PCED1B: variants seen among roughly 807,000 people sequenced by gnomAD.
PCED1B encodes the protein PC-esterase domain containing 1B, also known as PC-esterase domain-containing protein 1B.
For synonymous variants in PCED1B, 251 were observed against 246.1 expected (o/e 1.02, Z -0.19); for missense variants, 573 against 573.9 (o/e 1.00, Z 0.02).
chr12:47,226,966 C>A (rs1001468134), intron 3 of PCED1B, among the ~76,000 whole-genome samples: 24 of 152,018 alleles, frequency 1.6e-4, no homozygotes, highest in African/African-American at 5.6e-4. Flanking sequence ...TTTCTATTCA[C>A]TCCCCTAAAA....
intron 2 of PCED1B, among the ~76,000 whole-genome samples, chr12:47,201,562 G>A (rs1942764665): frequency 6.6e-6 from 1 of 151,776 alleles, no homozygotes; most frequent in African/African-American, 2.4e-5. Context: ...CTGCCCAGCA[G>A]TATTTTATTG....
At position 47,143,400 on chromosome 12, in the gene PCED1B, G is replaced by C. The variant is rs1365916969; in HGVS notation, c.-526+39205G>C. Among the ~76,000 whole-genome samples, 6 of 152,050 alleles carry C rather than the reference G, an allele frequency of 3.9e-5. No homozygotes were observed. In the Middle Eastern group the frequency reaches 0.01, roughly 259 times the overall value. ...AAACAAAATTAACATACAAAACTCA[G>C]CTGTGTTACTATACATGAATGACAA... On this transcript the variant is annotated intron_variant, in intron 2 of 3. Transcript: ENST00000546455.
At chr12:47,152,445 ACT>A (rs1941029423) in intron 2 of PCED1B, among the ~76,000 whole-genome samples, 1 of 152,034 alleles carries the variant, frequency 6.6e-6, no homozygotes, top group Non-Finnish European at 1.5e-5. Context: ...AAATTGAAAG[ACT>A]CTTCATAATA....
chr12:47,231,383 C>T (rs1311910498), intron 3 of PCED1B, among the ~76,000 whole-genome samples: 2 of 124,048 alleles, frequency 1.6e-5, no homozygotes, highest in African/African-American at 6.3e-5. Context: ...CCAGGGGAGT[C>T]GCTAGGAGAT....
intron 2 of PCED1B, among the ~76,000 whole-genome samples, chr12:47,123,406 TCAAA>T (rs1213998868): frequency 1.3e-5 from 2 of 152,130 alleles, no homozygotes; most frequent in Non-Finnish European, 2.9e-5. Context: ...CATGCAGAGT[TCAAA>T]CAAAGGTGCT....
chr12:47,187,208 C>G (rs768409242), intron 2 of PCED1B, among the ~76,000 whole-genome samples: 1 of 152,060 alleles, frequency 6.6e-6, no homozygotes, highest in Non-Finnish European at 1.5e-5. Context: ...GTGAAAGATC[C>G]AGGTGGATAG....
intron 1 of PCED1B, among the ~76,000 whole-genome samples, chr12:47,092,985 G>C (rs957539049): frequency 6.6e-6 from 1 of 151,834 alleles, no homozygotes; most frequent in African/African-American, 2.4e-5. Context: ...TAAAAATCAA[G>C]TTTATGCTAT....
intron 3 of PCED1B, among the ~76,000 whole-genome samples, chr12:47,217,768 G>A (rs1315847380): frequency 6.6e-6 from 1 of 151,990 alleles, no homozygotes; most frequent in Non-Finnish European, 1.5e-5. Context: ...CTAGAGACAG[G>A]GTTTCACCAT....
chr12:47,181,736 T>C (rs1311451116), intron 2 of PCED1B, among the ~76,000 whole-genome samples: 1 of 152,006 alleles, frequency 6.6e-6, no homozygotes, highest in East Asian at 1.9e-4. Flanking sequence ...TTCAGAACAT[T>C]TTTCTTCTCA....
At chr12:47,083,916 T>C (rs527850227) in intron 1 of PCED1B, among the ~76,000 whole-genome samples, 1 of 152,342 alleles carries the variant, frequency 6.6e-6, no homozygotes, top group African/African-American at 2.4e-5. Context: ...GACAGTTTTT[T>C]GTTTTTTAAT....
chr12:47,184,655 C>A lies in PCED1B; in HGVS notation c.-525-31567C>A, dbSNP rs114642724. ...CTTCCCTTTTTCCTTCCTTCTTTTA[C>A]CAAAGACACTAAAAAAAAAAAAAAA... On this transcript the variant is annotated intron_variant, in intron 2 of 3. Coordinates refer to ENST00000546455, the MANE Select transcript of PCED1B (RefSeq NM_138371.3). 3.3e-3 allele frequency among the ~76,000 whole-genome samples: 491 copies of A among 147,144 alleles called. 3 individuals are homozygous for A. The highest frequency in any genetic ancestry group is 6.1e-3 in the Non-Finnish European group (412 of 67,166).
At chr12:47,098,192 A>G (rs577511679) in intron 1 of PCED1B, among the ~76,000 whole-genome samples, 96 of 152,256 alleles carry the variant, frequency 6.3e-4, no homozygotes, top group Non-Finnish European at 1.1e-3. Context: ...CCCCACTCCA[A>G]TGAGACCAGG....
chr12:47,184,665 TAAA>T (rs1191011925), intron 2 of PCED1B, among the ~76,000 whole-genome samples: 1 of 131,662 alleles, frequency 7.6e-6, no homozygotes, highest in African/African-American at 2.7e-5. Context: ...CCAAAGACAC[TAAA>T]AAAAAAAAAA....
At chr12:47,188,827 C>T (rs1334809722) in intron 2 of PCED1B, among the ~76,000 whole-genome samples, 2 of 152,216 alleles carry the variant, frequency 1.3e-5, no homozygotes, top group African/African-American at 4.8e-5. Context: ...CCGTAAAAAA[C>T]AGGCATGTTG....
intron 3 of PCED1B, among the ~76,000 whole-genome samples, chr12:47,228,816 T>C (rs928436700): frequency 6.6e-6 from 1 of 150,908 alleles, no homozygotes; most frequent in Admixed American, 6.7e-5. Context: ...GAGGTTGCAG[T>C]GAGCTGAGAT....
intron 3 of PCED1B, among the ~76,000 whole-genome samples, chr12:47,220,292 C>T (rs1037104146): frequency 3.3e-5 from 5 of 152,146 alleles, no homozygotes; most frequent in African/African-American, 1.2e-4. Flanking sequence ...TTGCCTCGGC[C>T]TCCTGAATAG....
Position 47,136,097 on chromosome 12 carries a change from T to TTTTG in PCED1B, c.-526+31903_-526+31906dup, listed in dbSNP as rs529447899. Among the ~76,000 whole-genome samples the TTTTG allele has an allele frequency of 6.0e-3, 900 of 150,502 alleles. 10 individuals carry two copies. The highest frequency in any genetic ancestry group is 0.038 in the South Asian group (181 of 4,710). On this transcript the variant is annotated intron_variant, in intron 2 of 3. Transcript: ENST00000546455. ...ATTCAATTTCTTTCTTTTTTTTTTT[T>TTTTG]TTTGGCCAATTTGATAGATATATCA...
chr12:47,141,198 T>C (rs1940578562), intron 2 of PCED1B, among the ~76,000 whole-genome samples: 1 of 152,126 alleles, frequency 6.6e-6, no homozygotes, highest in African/African-American at 2.4e-5. Flanking sequence ...GAAAAAGTGA[T>C]GGAATAGGAG....
chr12:47,092,650 G>T (rs926579791), intron 1 of PCED1B, among the ~76,000 whole-genome samples: 8 of 151,920 alleles, frequency 5.3e-5, no homozygotes, highest in South Asian at 2.1e-4. Context: ...TGTTTGCTAC[G>T]GATATTTTGT....
Sources: allele counts gnomAD v4.1 joint callset (sites outside exome capture counted in the v4.1 genomes callset), GRCh38; gene constraint gnomAD v4.1.1; transcripts MANE v1.5; gene names NCBI Gene and HGNC (gene_info 2026-07-23, HGNC 2026-07-21).